Variants in RPS6KC1 observed in about 807,000 individuals in gnomAD.
The protein encoded by RPS6KC1 is inactive ribosomal protein S6 kinase delta-1.
In RPS6KC1, 54 loss-of-function variants were observed where a neutral mutation model predicts 103.8. That is an observed-to-expected ratio of 0.52 (90% CI 0.42 to 0.65). The LOEUF (loss-of-function observed/expected upper bound fraction) is 0.65. Among genes scored for constraint, RPS6KC1 ranks in the 30% least tolerant of loss-of-function variants. RPS6KC1 has a pLI of 0.00. For synonymous variants in RPS6KC1, 439 were observed against 438.7 expected (o/e 1.00, Z -0.01); for missense variants, 1,151 against 1,253.8 (o/e 0.92, Z 1.24).
chr1:213,844,481 T>C, the RPS6KC1 span, among the ~76,000 whole-genome samples: 1 of 152,222 alleles, frequency 6.6e-6, no homozygotes, highest in Non-Finnish European at 1.5e-5. Context: ...TTATTATGCA[T>C]ATTTAATTTA....
At chr1:213,233,831 T>G (rs2094159135) in intron 10 of RPS6KC1, among the ~76,000 whole-genome samples, 1 of 152,200 alleles carries the variant, frequency 6.6e-6, no homozygotes, top group African/African-American at 2.4e-5. Flanking sequence ...AAAATTTGTC[T>G]CTTTTGACCA....
At chr1:213,505,312 A>G in the RPS6KC1 span, among the ~76,000 whole-genome samples, 1 of 152,220 alleles carries the variant, frequency 6.6e-6, no homozygotes, top group East Asian at 1.9e-4. Flanking sequence ...TTAGAACTGA[A>G]TCTCTGGCCA....
At chr1:213,680,372 C>T in the RPS6KC1 span, among the ~76,000 whole-genome samples, 1 of 152,162 alleles carries the variant, frequency 6.6e-6, no homozygotes, top group African/African-American at 2.4e-5. Context: ...CAGCCCGGCT[C>T]TCCTGGTCCA....
At chr1:213,353,060 A>G in the RPS6KC1 span, among the ~76,000 whole-genome samples, 1 of 152,224 alleles carries the variant, frequency 6.6e-6, no homozygotes, top group African/African-American at 2.4e-5. Flanking sequence ...CTTCTAAAGA[A>G]AGGAATGTAC....
chr1:213,234,629 C>G (rs2094183264), intron 10 of RPS6KC1, among the ~76,000 whole-genome samples: 1 of 152,154 alleles, frequency 6.6e-6, no homozygotes, highest in African/African-American at 2.4e-5. Context: ...CAACGTGAGG[C>G]ACATGTTGGT....
At chr1:213,606,519 T>C in the RPS6KC1 span, among the ~76,000 whole-genome samples, 1 of 152,232 alleles carries the variant, frequency 6.6e-6, no homozygotes, top group Non-Finnish European at 1.5e-5. Flanking sequence ...AGCTGATTTC[T>C]ATAAGGGATT....
the RPS6KC1 span, among the ~76,000 whole-genome samples, chr1:213,666,804 C>A: frequency 6.6e-6 from 1 of 152,194 alleles, no homozygotes; most frequent in Non-Finnish European, 1.5e-5. Flanking sequence ...AGAGTTATTG[C>A]CGCTTATTCA....
the RPS6KC1 span, among the ~76,000 whole-genome samples, chr1:213,552,441 T>C: frequency 6.6e-6 from 1 of 152,206 alleles, no homozygotes; most frequent in Admixed American, 6.5e-5. Context: ...ATCTCATTGT[T>C]TTAATTACAT....
the RPS6KC1 span, among the ~76,000 whole-genome samples, chr1:213,626,298 T>C: frequency 3.9e-5 from 6 of 152,226 alleles, no homozygotes; most frequent in Non-Finnish European, 8.8e-5. Flanking sequence ...GTAAATTTGT[T>C]TGAGTTCATT....
chr1:213,282,571 C>T, the RPS6KC1 span, among the ~76,000 whole-genome samples: 16 of 152,360 alleles, frequency 1.1e-4, no homozygotes, highest in Admixed American at 2.0e-4. Context: ...TCTTCCGTTT[C>T]TTCTGATGGT....
At chr1:213,415,222 G>A in the RPS6KC1 span, among the ~76,000 whole-genome samples, 1 of 152,204 alleles carries the variant, frequency 6.6e-6, no homozygotes, top group Non-Finnish European at 1.5e-5. Context: ...GTTCCAGTGA[G>A]GTGGAAAGAA....
At chr1:213,536,293 G>T in the RPS6KC1 span, among the ~76,000 whole-genome samples, 1 of 152,152 alleles carries the variant, frequency 6.6e-6, no homozygotes, top group Non-Finnish European at 1.5e-5. Flanking sequence ...CCCTTTTGAA[G>T]GTTTTGTTAA....
At chr1:213,851,211 C>G in the RPS6KC1 span, among the ~76,000 whole-genome samples, 1 of 152,042 alleles carries the variant, frequency 6.6e-6, no homozygotes, top group Non-Finnish European at 1.5e-5. Flanking sequence ...CTAGTTGACA[C>G]CCTTCCCTAC....
At chr1:213,760,116 C>T in the RPS6KC1 span, among the ~76,000 whole-genome samples, 4 of 151,846 alleles carry the variant, frequency 2.6e-5, no homozygotes, top group South Asian at 2.1e-4. Flanking sequence ...TCTGTGATGC[C>T]GAATCCTTCT....
the RPS6KC1 span, among the ~76,000 whole-genome samples, chr1:213,769,465 T>G: frequency 6.6e-6 from 1 of 150,640 alleles, no homozygotes; most frequent in Non-Finnish European, 1.5e-5. Context: ...GTACCAGAAA[T>G]AGAAATCTGA....
chr1:213,512,314 G>A, the RPS6KC1 span, among the ~76,000 whole-genome samples: 4 of 152,234 alleles, frequency 2.6e-5, no homozygotes, highest in Non-Finnish European at 5.9e-5. Context: ...TATTAAGAGA[G>A]AAAGCCTTCG....
the RPS6KC1 span, among the ~76,000 whole-genome samples, chr1:213,587,396 T>C: frequency 6.6e-6 from 1 of 152,150 alleles, no homozygotes; most frequent in Non-Finnish European, 1.5e-5. Context: ...TGGGAAAGTA[T>C]GAAAGGCTGG....
rs985686541 is a variant in RPS6KC1, at chr1:213,273,439, A to G, written c.*805A>G. 1 of 152,646 alleles carries G rather than the reference A, an allele frequency of 6.6e-6. No individual in the cohort carries two copies. The highest frequency in any genetic ancestry group is 2.4e-5 in the African/African-American group (1 of 41,448). 9.5% of individuals were successfully genotyped at this position (152,646 alleles called of 1,614,324 possible). ...TTTGTGTAAGGACTAAGAAATCATGATATCAAATAAACATGGTGAAACATT... is the reference window on the plus strand; with the variant it reads ...TTTGTGTAAGGACTAAGAAATCATGGTATCAAATAAACATGGTGAAACATT... On this transcript the variant is annotated 3_prime_UTR_variant, in exon 15 of 15. Transcript: ENST00000366960.
the RPS6KC1 span, among the ~76,000 whole-genome samples, chr1:213,564,520 C>A: frequency 6.6e-6 from 1 of 152,134 alleles, no homozygotes; most frequent in Admixed American, 6.5e-5. Flanking sequence ...GGTCATTGTT[C>A]ATTTGTGGTG....
Sources: gnomAD v4.1 joint callset for allele counts (sites outside exome capture counted in the v4.1 genomes callset) on GRCh38, gnomAD v4.1.1 for gene constraint, MANE v1.5 for transcripts, NCBI Gene and HGNC (gene_info 2026-07-23, HGNC 2026-07-21) for gene names.